Variants in CUX1 observed in about 807,000 individuals in gnomAD.
CUX1 encodes the protein cut like homeobox 1.
Under a neutral mutation model 158.8 loss-of-function variants are expected in CUX1, and 31 were observed. The ratio of observed to expected loss-of-function variants is 0.20; its 90% CI spans 0.15 to 0.26. The LOEUF is 0.26. CUX1 is among the 10% of genes least tolerant of loss of function. CUX1 has a pLI of 1.00. For missense variants in CUX1, 1,589 were observed against 2,014.6 expected (o/e 0.79, Z 4.04); for synonymous variants, 879 against 862.1 (o/e 1.02, Z -0.34).
chr7:102,255,928 T>C lies in CUX1; in HGVS notation c.*6886T>C. 8.1e-6 allele frequency: 8 copies of C among 985,424 alleles called. No homozygotes were observed. Among genetic ancestry groups the C allele is most frequent in the Non-Finnish European group, 9.6e-6 (8 of 829,904 alleles). 61.0% of individuals were successfully genotyped at this position (985,424 alleles called of 1,614,324 possible). On this transcript the variant is annotated 3_prime_UTR_variant, in exon 24 of 24. Transcript: ENST00000292535. ...GTGCAATTGAAATCATTTTTCTTCA[T>C]TTTAAAAAAATAACGTATTGCACAC... is the stretch of plus-strand genomic sequence containing the variant.
At chr7:102,074,610 A>C (rs1382236079) in intron 4 of CUX1, among the ~76,000 whole-genome samples, 1 of 152,168 alleles carries the variant, frequency 6.6e-6, no homozygotes, top group Non-Finnish European at 1.5e-5. Flanking sequence ...CAATGGACCC[A>C]AATTCCCGCC....
chr7:102,255,426 A>G lies in CUX1; in HGVS notation c.*6384A>G, dbSNP rs1029722085. On this transcript the variant is annotated 3_prime_UTR_variant, in exon 24 of 24. Coordinates refer to ENST00000292535, the MANE Select transcript of CUX1 (RefSeq NM_181552.4). ...CAAAAAAAAAAGGCTGGCGAGAGAAAGACATTTGGCTATGCATAAATGTGC... is the reference window on the plus strand; with the variant it reads ...CAAAAAAAAAAGGCTGGCGAGAGAAGGACATTTGGCTATGCATAAATGTGC... The G allele has an allele frequency of 1.1e-4, 109 of 985,084 alleles. No individual in the cohort carries two copies. The highest frequency in any genetic ancestry group is 6.2e-5 in the Admixed American group (1 of 16,248). 61.0% of individuals were successfully genotyped at this position (985,084 alleles called of 1,614,324 possible).
chr7:101,916,132 C>A lies in CUX1; in HGVS notation c.48C>A (p.Thr16=). ...GARLKRELDA[T]ATVLANRQDE... The stretch of plus-strand genomic sequence containing the variant: ...CCCAACAGAGAGAACTCGATGCCAC[C>A]GCAACGGTATTGGCGAACCGGCAGG... The change falls in exon 2 of 24, where the codon ACC becomes ACA. Residue 16 remains threonine (T), a synonymous_variant. Coordinates refer to ENST00000292535, the MANE Select transcript of CUX1 (RefSeq NM_181552.4). This position sits in a 1 kb window ranked among gnomAD's most constrained non-coding sequence, Gnocchi z 4.4. 6.2e-7 allele frequency: 1 copy of A among 1,613,392 alleles called. No individual in the cohort carries two copies. The highest frequency in any genetic ancestry group is 8.5e-7 in the Non-Finnish European group (1 of 1,179,496).
intron 1 of CUX1, among the ~76,000 whole-genome samples, chr7:101,883,154 A>G (rs775977245): frequency 5.3e-5 from 8 of 152,088 alleles, no homozygotes; most frequent in Non-Finnish European, 1.0e-4. Context: ...TCTTCCTATC[A>G]CAGCAATTTT....
chr7:101,874,291 GA>G (rs1411843029), intron 1 of CUX1, among the ~76,000 whole-genome samples: 1 of 152,198 alleles, frequency 6.6e-6, no homozygotes, highest in Admixed American at 6.5e-5. Context: ...TCTCTCTGAG[GA>G]AATAAGGGCT....
intron 3 of CUX1, among the ~76,000 whole-genome samples, chr7:102,068,250 G>A (rs548709868): frequency 2.7e-5 from 4 of 150,756 alleles, no homozygotes; most frequent in Non-Finnish European, 5.9e-5. Flanking sequence ...TTGCCACCCC[G>A]CCCAGCTAAT....
At chr7:101,892,509 G>A (rs147690843) in intron 1 of CUX1, among the ~76,000 whole-genome samples, 211 of 152,258 alleles carry the variant, frequency 1.4e-3, no homozygotes, top group Middle Eastern at 3.4e-3. Flanking sequence ...GTAATGAGCC[G>A]GAGGAAATGG....
At chr7:102,168,715 G>A (rs1791331439) in intron 9 of CUX1, among the ~76,000 whole-genome samples, 1 of 149,680 alleles carries the variant, frequency 6.7e-6, no homozygotes, top group Admixed American at 6.7e-5. Flanking sequence ...TGTTGCCACA[G>A]AATTGCTTAA....
intron 14 of CUX1, among the ~76,000 whole-genome samples, chr7:102,266,156 A>G (rs1790794821): frequency 6.7e-6 from 1 of 149,948 alleles, no homozygotes; most frequent in Admixed American, 6.7e-5. Context: ...GTGAGTTGAG[A>G]TCATGCCACT....
chr7:101,882,887 C>T (rs987004450), intron 1 of CUX1, among the ~76,000 whole-genome samples: 2 of 152,184 alleles, frequency 1.3e-5, no homozygotes, highest in African/African-American at 4.8e-5. Context: ...TCTCGCCCAG[C>T]CTTGGCTGTC....
At chr7:102,140,742 G>A (rs889933373) in intron 8 of CUX1, among the ~76,000 whole-genome samples, 24 of 151,916 alleles carry the variant, frequency 1.6e-4, no homozygotes, top group African/African-American at 5.3e-4. Context: ...GTGCACGCCT[G>A]TAATCCCAGC....
chr7:102,179,123 C>T (rs1762438085), intron 11 of CUX1, among the ~76,000 whole-genome samples: 1 of 152,216 alleles, frequency 6.6e-6, no homozygotes, highest in South Asian at 2.1e-4. Flanking sequence ...TCTGGGCTCA[C>T]AGCAACCTCC....
intron 1 of CUX1, among the ~76,000 whole-genome samples, chr7:101,885,583 A>G (rs1800139232): frequency 1.3e-5 from 2 of 152,092 alleles, no homozygotes; most frequent in Admixed American, 6.5e-5. Context: ...AAAGATGGAA[A>G]GATGGGAGGA....
intron 21 of CUX1, among the ~76,000 whole-genome samples, chr7:102,230,195 C>A (rs1798807093): frequency 6.6e-6 from 1 of 152,016 alleles, no homozygotes. Context: ...CATGGTGGCT[C>A]ACTTGAGAAT....
At chr7:102,022,232 G>A (rs1819463352) in intron 2 of CUX1, among the ~76,000 whole-genome samples, 1 of 152,174 alleles carries the variant, frequency 6.6e-6, no homozygotes. Flanking sequence ...GTTTCCTCCA[G>A]CAATTGGCAT....
At chr7:102,036,011 T>C (rs1265237191) in intron 3 of CUX1, among the ~76,000 whole-genome samples, 3 of 152,190 alleles carry the variant, frequency 2.0e-5, no homozygotes, top group Non-Finnish European at 4.4e-5. Context: ...ATTTTTCTGG[T>C]TATCCCTAAG....
At chr7:101,914,066 T>C (rs575352307) in intron 1 of CUX1, among the ~76,000 whole-genome samples, 1 of 152,238 alleles carries the variant, frequency 6.6e-6, no homozygotes, top group East Asian at 1.9e-4. Flanking sequence ...TTTTTTTTTT[T>C]TCCCTGCCTT....
chr7:101,987,193 G>A (rs532993387), intron 2 of CUX1, among the ~76,000 whole-genome samples: 4 of 152,308 alleles, frequency 2.6e-5, no homozygotes, highest in Non-Finnish European at 4.4e-5. Context: ...CCCGCATCCC[G>A]ACACAGTGCC....
chr7:102,140,303 A>G (rs563813018), intron 8 of CUX1, among the ~76,000 whole-genome samples: 5 of 152,060 alleles, frequency 3.3e-5, no homozygotes, highest in East Asian at 3.9e-4. Context: ...GTGGAGTGCA[A>G]TGGCACGATC....
Sources: allele counts gnomAD v4.1 joint callset (sites outside exome capture counted in the v4.1 genomes callset), GRCh38; gene constraint gnomAD v4.1.1; non-coding constraint Gnocchi (gnomAD v3.1); transcripts MANE v1.5; gene names NCBI Gene and HGNC (gene_info 2026-07-23, HGNC 2026-07-21).